MECR: variants seen among roughly 807,000 people sequenced by gnomAD.
MECR encodes enoyl-[acyl-carrier-protein] reductase, mitochondrial.
In MECR, 37 loss-of-function variants were observed where a neutral mutation model predicts 49.1. The ratio of observed to expected loss-of-function variants is 0.75; its 90% CI spans 0.58 to 0.99. The LOEUF is 0.99. MECR is among the 50% of genes least tolerant of loss of function. The pLI is 0.00. For missense variants in MECR, 470 were observed against 479.6 expected, an observed-to-expected ratio of 0.98 and a Z score of 0.19; for synonymous variants, 198 against 191.1, an observed-to-expected ratio of 1.04 and a Z score of -0.30.
chr1:29,188,033 T>C (rs1673063565), downstream of MECR, among the ~76,000 whole-genome samples: 1 of 36,610 alleles, frequency 2.7e-5, no homozygotes, highest in African/African-American at 9.1e-5. Flanking sequence ...CAAGACTCTG[T>C]CTCAAAAAAA....
chr1:29,175,031 C>CACA, the MECR span, among the ~76,000 whole-genome samples: 1 of 150,634 alleles, frequency 6.6e-6, no homozygotes, highest in South Asian at 2.1e-4. Context: ...TGCGTGCGTG[C>CACA]ACATGCCCAT....
At chr1:29,205,813 C>T (rs550468267) in intron 4 of MECR, among the ~76,000 whole-genome samples, 76 of 152,160 alleles carry the variant, frequency 5.0e-4, no homozygotes, top group African/African-American at 1.8e-3. Context: ...CGACAGAGCA[C>T]GACTGTCTCA....
the MECR span, among the ~76,000 whole-genome samples, chr1:29,177,492 G>A: frequency 6.6e-6 from 1 of 152,188 alleles, no homozygotes; most frequent in Non-Finnish European, 1.5e-5. Flanking sequence ...ATGTTGGTCA[G>A]GCTGGTCTTG....
rs991240675 is a variant in MECR, at chr1:29,196,871, C to T, written c.831-613G>A. ...ATAATAAAAAAAAATTAGCTGGGCA[C>T]GGTGATACATGCCTGTGGCCCCACT... On this transcript the variant is annotated intron_variant, in intron 7 of 9. Coordinates refer to ENST00000263702, the MANE Select transcript of MECR (RefSeq NM_016011.5). Among the ~76,000 whole-genome samples the T allele has an allele frequency of 5.3e-5, 8 of 151,336 alleles. No homozygotes were observed. The South Asian group carries it at 1.3e-3, about 24-fold the overall frequency.
intron 3 of MECR, among the ~76,000 whole-genome samples, chr1:29,207,347 C>T (rs893597748): frequency 3.9e-5 from 6 of 151,956 alleles, no homozygotes; most frequent in Non-Finnish European, 8.8e-5. Flanking sequence ...CTTGAACTCC[C>T]GGTCTCAGGT....
At chr1:29,227,125 G>A (rs1281858536) in intron 1 of MECR, among the ~76,000 whole-genome samples, 1 of 151,900 alleles carries the variant, frequency 6.6e-6, no homozygotes, top group Non-Finnish European at 1.5e-5. Context: ...CACTGTGCCC[G>A]ACTAATTTTT....
chr1:29,190,865 GC>G (rs1673109729), downstream of MECR, among the ~76,000 whole-genome samples: 1 of 151,558 alleles, frequency 6.6e-6, no homozygotes, highest in African/African-American at 2.4e-5. Context: ...TACATCACTT[GC>G]GGGGGCAGAT....
At position 29,230,913 on chromosome 1, in the gene MECR, T is replaced by A; in HGVS notation, c.-7A>T. 3 of 1,596,496 alleles carry A rather than the reference T, an allele frequency of 1.9e-6. No individual in the cohort carries two copies. The highest frequency in any genetic ancestry group is 1.7e-6 in the Non-Finnish European group (2 of 1,175,518). On this transcript the variant is annotated 5_prime_UTR_variant, in exon 1 of 10. Transcript: ENST00000263702. The stretch of plus-strand genomic sequence containing the variant: ...GGGTACTGCAGACCCACATGCTCGC[T>A]CCAACCAACACAGAGCCTGACGCCC...
intron 5 of MECR, 63 bp from the exon 6 acceptor site, chr1:29,202,108 A>G (rs1183878979): frequency 1.1e-5 from 15 of 1,382,006 alleles, no homozygotes; most frequent in Non-Finnish European, 1.5e-5. Context: ...GCCCCCCAGG[A>G]CCTCTCTGCC....
intron 1 of MECR, chr1:29,223,113 C>G: frequency 1.0e-6 from 1 of 985,444 alleles, no homozygotes; most frequent in Non-Finnish European, 1.2e-6. Context: ...CCCAGCCTGG[C>G]TAGATCTCAA....
chr1:29,215,807 GT>G (rs540008444), intron 3 of MECR, among the ~76,000 whole-genome samples, 197 bp downstream of exon 3: 76 of 152,240 alleles, frequency 5.0e-4, no homozygotes, highest in African/African-American at 1.8e-3. Flanking sequence ...GGAGGCGGAG[GT>G]TTTGGTGAGC....
downstream of MECR, among the ~76,000 whole-genome samples, chr1:29,190,324 G>A (rs957649329): frequency 1.3e-5 from 2 of 151,962 alleles, no homozygotes; most frequent in African/African-American, 4.8e-5. Flanking sequence ...GCAGTGAGCC[G>A]ACATCGCGCC....
chr1:29,220,946 A>T, intron 1 of MECR: 2 of 984,502 alleles, frequency 2.0e-6, no homozygotes. Flanking sequence ...TGAGTCACTG[A>T]AAGGAAGACA....
intron 3 of MECR, among the ~76,000 whole-genome samples, chr1:29,212,907 C>T: frequency 6.6e-6 from 1 of 152,234 alleles, no homozygotes; most frequent in East Asian, 1.9e-4. Context: ...TGCAGTTCCC[C>T]ACCAGTGCTG....
At chr1:29,191,592 A>T (rs1422317109), downstream of MECR, among the ~76,000 whole-genome samples, 1 of 152,158 alleles carries the variant, frequency 6.6e-6, no homozygotes, top group Non-Finnish European at 1.5e-5. Flanking sequence ...TCATCTGTAC[A>T]ATCACTTGTC....
chr1:29,183,919 G>A, the MECR span, among the ~76,000 whole-genome samples: 1 of 138,242 alleles, frequency 7.2e-6, no homozygotes, highest in East Asian at 2.1e-4. Context: ...TCGCACTGTC[G>A]CCCAGGCTGC....
At chr1:29,181,036 C>T in the MECR span, among the ~76,000 whole-genome samples, 1 of 152,204 alleles carries the variant, frequency 6.6e-6, no homozygotes, top group Non-Finnish European at 1.5e-5. Flanking sequence ...CTTTAATTTA[C>T]TCTTGCAGAG....
chr1:29,177,825 C>T, the MECR span, among the ~76,000 whole-genome samples: 1 of 151,910 alleles, frequency 6.6e-6, no homozygotes, highest in African/African-American at 2.4e-5. Context: ...AGAATCCTTT[C>T]CTGAACACTA....
At position 29,201,030 on chromosome 1, in the gene MECR, A is replaced by G. The variant is rs1675196194; in HGVS notation, c.757-441T>C. Among the ~76,000 whole-genome samples the G allele has an allele frequency of 6.6e-6, 1 of 152,172 alleles. No individual in the cohort carries two copies. Among genetic ancestry groups the G allele is most frequent in the Non-Finnish European group, 1.5e-5 (1 of 68,032 alleles). ...AGGCTAGTCTCAAACTCTCAGACTC[A>G]AGCAATCCGCCTGCCTTGGCCTCCC... is the stretch of plus-strand genomic sequence containing the variant. On this transcript the variant is annotated intron_variant, in intron 6 of 9. Transcript: ENST00000263702. The surrounding 1 kb of genome is among the most constrained non-coding windows in gnomAD (Gnocchi z 4.3).
Sources: allele counts gnomAD v4.1 joint callset (sites outside exome capture counted in the v4.1 genomes callset), GRCh38; gene constraint gnomAD v4.1.1; non-coding constraint Gnocchi (gnomAD v3.1); transcripts MANE v1.5; gene names NCBI Gene and HGNC (gene_info 2026-07-23, HGNC 2026-07-21).